DOCK9: variants seen among roughly 807,000 people sequenced by gnomAD.
DOCK9 encodes dedicator of cytokinesis 9.
In DOCK9, 89 loss-of-function variants were observed where a neutral mutation model predicts 263.3. That is an observed-to-expected ratio of 0.34 (90% CI 0.28 to 0.40). The LOEUF (loss-of-function observed/expected upper bound fraction) is 0.40. Among genes scored for constraint, DOCK9 ranks in the 10% least tolerant of loss-of-function variants. DOCK9 has a pLI of 1.00. For synonymous variants in DOCK9, 976 were observed against 973.1 expected (o/e 1.00, Z -0.06); for missense variants, 2,140 against 2,603.4 (o/e 0.82, Z 3.87).
chr13:98,950,156 C>T (rs914792106), intron 2 of DOCK9: 1 of 644,454 alleles, frequency 1.6e-6, no homozygotes, highest in Non-Finnish European at 2.6e-6. Flanking sequence ...AGTGAAGTCA[C>T]ACCATTAATT....
intron 1 of DOCK9, among the ~76,000 whole-genome samples, chr13:98,985,228 TTTAGAG>T (rs1878175509): frequency 6.6e-6 from 1 of 152,058 alleles, no homozygotes; most frequent in African/African-American, 2.4e-5. Context: ...CATCCCACTG[TTTAGAG>T]AAGGCTCTGT....
intron 1 of DOCK9, among the ~76,000 whole-genome samples, chr13:99,007,089 C>G (rs1459527318): frequency 6.6e-6 from 1 of 151,380 alleles, no homozygotes; most frequent in Non-Finnish European, 1.5e-5. Flanking sequence ...CAGACCCTGT[C>G]TCAAAAAAAT....
intron 1 of DOCK9, among the ~76,000 whole-genome samples, chr13:98,983,519 G>A (rs1167164244): frequency 6.6e-6 from 1 of 152,064 alleles, no homozygotes; most frequent in Non-Finnish European, 1.5e-5. Flanking sequence ...GGGAGGGGGA[G>A]ACAGTTTCTC....
chr13:98,797,282 G>C (rs756673186), intron 51 of DOCK9, 29 bp from the exon 52 acceptor site: 39 of 1,613,202 alleles, frequency 2.4e-5, no homozygotes, highest in Middle Eastern at 1.6e-4. Context: ...GAGAAACAAA[G>C]GCACGCAGAG....
chr13:98,906,108 G>C (rs540986037), intron 9 of DOCK9, among the ~76,000 whole-genome samples: 7 of 151,990 alleles, frequency 4.6e-5, no homozygotes, highest in Admixed American at 4.6e-4. Context: ...TTTGTGTAGA[G>C]ACGCCTGGGT....
chr13:98,950,292 T>G, intron 2 of DOCK9: 1 of 763,136 alleles, frequency 1.3e-6, no homozygotes, highest in Non-Finnish European at 2.2e-6. Flanking sequence ...ATAGGAATGA[T>G]TCCAGTCGCT....
chr13:98,989,296 G>A (rs1479009728), intron 1 of DOCK9, among the ~76,000 whole-genome samples: 13 of 149,184 alleles, frequency 8.7e-5, no homozygotes, highest in Non-Finnish European at 1.9e-4. Flanking sequence ...AGTCATTTTG[G>A]GAGCTTGAAA....
chr13:98,849,390 T>C (rs1238204581), intron 36 of DOCK9, among the ~76,000 whole-genome samples: 1 of 152,032 alleles, frequency 6.6e-6, no homozygotes, highest in Non-Finnish European at 1.5e-5. Context: ...CTTTTAGTTA[T>C]GATTTATTCA....
chr13:98,972,044 G>A (rs80211734), intron 1 of DOCK9, among the ~76,000 whole-genome samples: 2,093 of 152,156 alleles, frequency 0.014, 42 homozygotes, highest in South Asian at 0.047. Flanking sequence ...TTCATGAATC[G>A]TGCATATGTG....
intron 1 of DOCK9, among the ~76,000 whole-genome samples, chr13:99,078,235 G>A (rs2041990049): frequency 1.3e-5 from 2 of 152,170 alleles, no homozygotes; most frequent in Non-Finnish European, 2.9e-5. Context: ...TCAGAACTGA[G>A]ATAAAACTGT....
intron 30 of DOCK9, among the ~76,000 whole-genome samples, chr13:98,866,035 T>C (rs2094011624): frequency 6.6e-6 from 1 of 152,088 alleles, no homozygotes; most frequent in Non-Finnish European, 1.5e-5. Context: ...TACCTATCTG[T>C]TCTCTCAGCC....
intron 1 of DOCK9, among the ~76,000 whole-genome samples, chr13:99,062,748 C>T (rs2041246848): frequency 6.6e-6 from 1 of 152,244 alleles, no homozygotes; most frequent in South Asian, 2.1e-4. Flanking sequence ...AACATCCCTT[C>T]AGAATCCACC....
intron 1 of DOCK9, among the ~76,000 whole-genome samples, chr13:99,048,041 G>A (rs917522270): frequency 5.9e-5 from 9 of 152,174 alleles, no homozygotes; most frequent in African/African-American, 1.9e-4. Context: ...CAGCACCAGG[G>A]ACCTCAATGT....
chr13:99,016,223 G>C (rs1158519804), intron 1 of DOCK9, among the ~76,000 whole-genome samples: 1 of 152,180 alleles, frequency 6.6e-6, no homozygotes, highest in Non-Finnish European at 1.5e-5. Flanking sequence ...CAAAAAACGA[G>C]TGAAATCTCT....
At chr13:98,988,957 G>A (rs917565995) in intron 1 of DOCK9, among the ~76,000 whole-genome samples, 2 of 152,112 alleles carry the variant, frequency 1.3e-5, no homozygotes, top group African/African-American at 4.8e-5. Flanking sequence ...CACTGGCCCG[G>A]GGCCACCCTT....
chr13:98,811,801 TTA>T (rs1271818813), intron 45 of DOCK9, among the ~76,000 whole-genome samples: 1 of 152,254 alleles, frequency 6.6e-6, no homozygotes. Flanking sequence ...GGATTATGCT[TTA>T]TATGTTATAT....
chr13:98,799,625 T>C (rs958063285), intron 50 of DOCK9, among the ~76,000 whole-genome samples: 4 of 152,326 alleles, frequency 2.6e-5, no homozygotes, highest in African/African-American at 9.6e-5. Context: ...TTTCAATAAA[T>C]TGTGTATATC....
intron 45 of DOCK9, among the ~76,000 whole-genome samples, chr13:98,823,296 T>C (rs1272801557): frequency 1.3e-5 from 2 of 152,120 alleles, no homozygotes; most frequent in Non-Finnish European, 2.9e-5. Flanking sequence ...AGACATTCAG[T>C]AGCAAGAGTA....
chr13:98,848,356 C>T (rs1349269019), intron 37 of DOCK9, among the ~76,000 whole-genome samples: 1 of 152,030 alleles, frequency 6.6e-6, no homozygotes, highest in African/African-American at 2.4e-5. Context: ...AGACACAGCC[C>T]GCTAAAGGAA....
Sources: allele counts gnomAD v4.1 joint callset (sites outside exome capture counted in the v4.1 genomes callset), GRCh38; gene constraint gnomAD v4.1.1; transcripts MANE v1.5; gene names NCBI Gene and HGNC (gene_info 2026-07-23, HGNC 2026-07-21).